PPP3R1: variants seen among roughly 807,000 people sequenced by gnomAD.
PPP3R1 encodes the protein calcineurin subunit B type 1.
Under a neutral mutation model 22.6 loss-of-function variants are expected in PPP3R1, and 5 were observed. That is an observed-to-expected ratio of 0.22 (90% CI 0.12 to 0.46). The LOEUF (loss-of-function observed/expected upper bound fraction) is 0.46. Among genes scored for constraint, PPP3R1 ranks in the 20% least tolerant of loss-of-function variants. PPP3R1 has a pLI of 0.99. For missense variants in PPP3R1, 61 were observed against 203.2 expected (o/e 0.30, Z 4.25); for synonymous variants, 56 against 65.2 (o/e 0.86, Z 0.68).
intron 2 of PPP3R1, among the ~76,000 whole-genome samples, chr2:68,206,437 C>G (rs1489926734): frequency 1.3e-5 from 2 of 152,126 alleles, no homozygotes; most frequent in Non-Finnish European, 2.9e-5. Context: ...AAATCATCCC[C>G]AAGTTTTCTC....
intron 2 of PPP3R1, among the ~76,000 whole-genome samples, chr2:68,212,777 T>C (rs1669512187): frequency 6.6e-6 from 1 of 152,220 alleles, no homozygotes; most frequent in African/African-American, 2.4e-5. Context: ...GGTCCTATGA[T>C]TTACAGAGTG....
At position 68,232,221 on chromosome 2, in the gene PPP3R1, A is replaced by ATGTG. The variant is rs1220116777; in HGVS notation, c.4-15091_4-15090insCACA. ...TATTATATACATATTGTATATGTAT[A>ATGTG]TATGTGTGTGTGTGTGTGTGTGTGT... On this transcript the variant is annotated intron_variant, in intron 1 of 5. Transcript: ENST00000234310. Among the ~76,000 whole-genome samples, 5 of 28,758 alleles carry ATGTG rather than the reference A, an allele frequency of 1.7e-4. No homozygotes were observed. In the East Asian group the frequency reaches 3.0e-3, roughly 17 times the overall value. The allele number at this position is 28,758 out of a possible 152,430, so 18.9% of individuals were successfully genotyped here. A position where few individuals can be genotyped will look rare whatever the true frequency, so the allele number is the denominator to read the frequency against.
chr2:68,186,473 A>G lies in PPP3R1; in HGVS notation c.460T>C (p.Cys154Arg). ...ACCAGCTCTTTTGTACTTACAGCAC[A>G]GAATTCTTCAAAGGATATTCTTCCA... ...GDGRISFEEF[C>R]AVVGGLDIHK... is the part of the protein sequence containing the mutation. Residue 154 changes from cysteine (C) to arginine (R), a missense_variant, in exon 5 of 6, where the codon TGT (cysteine) becomes CGT (arginine). Physicochemically the swap from Cys to Arg is radical, Grantham distance 180. Transcript: ENST00000234310. 1 of 1,611,578 alleles carries G rather than the reference A, an allele frequency of 6.2e-7. No homozygotes were observed. The highest frequency in any genetic ancestry group is 8.5e-7 in the Non-Finnish European group (1 of 1,178,242).
chr2:68,207,221 TA>T (rs11317544), intron 2 of PPP3R1, among the ~76,000 whole-genome samples: 90,138 of 132,556 alleles, frequency 0.68, 28,647 homozygotes, highest in African/African-American at 0.77. Flanking sequence ...GAAAATATGA[TA>T]AAAAAAAAAA....
At chr2:68,239,693 T>C (rs996330949) in intron 1 of PPP3R1, among the ~76,000 whole-genome samples, 1 of 152,118 alleles carries the variant, frequency 6.6e-6, no homozygotes, top group African/African-American at 2.4e-5. Context: ...AACAAGGAAT[T>C]TGTGCATTCA....
chr2:68,241,860 AAAG>A (rs1304460804), intron 1 of PPP3R1, among the ~76,000 whole-genome samples: 2 of 151,972 alleles, frequency 1.3e-5, no homozygotes, highest in Non-Finnish European at 2.9e-5. Context: ...AAAAAAAAAA[AAAG>A]ATTACTACCA....
At chr2:68,229,999 C>CACACACACAA (rs1295310126) in intron 1 of PPP3R1, among the ~76,000 whole-genome samples, 1 of 145,692 alleles carries the variant, frequency 6.9e-6, no homozygotes. Flanking sequence ...CACACACACA[C>CACACACACAA]ACACACACAC....
At chr2:68,181,123 C>T in intron 5 of PPP3R1, 113 bp from the exon 6 acceptor site, 3 of 990,452 alleles carry the variant, frequency 3.0e-6, no homozygotes, top group Non-Finnish European at 4.6e-6. Context: ...GGCGTGGTGG[C>T]TCACACCTGT....
At chr2:68,221,568 T>C (rs555193841) in intron 1 of PPP3R1, among the ~76,000 whole-genome samples, 4 of 152,250 alleles carry the variant, frequency 2.6e-5, no homozygotes, top group African/African-American at 9.6e-5. Context: ...TTCACATCAA[T>C]AAAACGTTTT....
chr2:68,244,571 A>G (rs1235378395), intron 1 of PPP3R1, among the ~76,000 whole-genome samples: 2 of 151,844 alleles, frequency 1.3e-5, no homozygotes, highest in African/African-American at 2.4e-5. Context: ...TTTAATGTCT[A>G]TCCTTTCCTT....
At chr2:68,249,626 T>TTACAA (rs1450659322) in intron 1 of PPP3R1, among the ~76,000 whole-genome samples, 1 of 152,026 alleles carries the variant, frequency 6.6e-6, no homozygotes, top group African/African-American at 2.4e-5. Flanking sequence ...AGCTCACTAT[T>TTACAA]TACAAGATTT....
At chr2:68,251,098 C>T (rs1670339973) in intron 1 of PPP3R1, 1 of 152,216 alleles carries the variant, frequency 6.6e-6, no homozygotes, top group African/African-American at 2.4e-5. Context: ...GCACTCTGAA[C>T]TTTCTCTACT....
At chr2:68,238,533 C>A (rs1670058235) in intron 1 of PPP3R1, among the ~76,000 whole-genome samples, 1 of 152,166 alleles carries the variant, frequency 6.6e-6, no homozygotes, top group Admixed American at 6.5e-5. Flanking sequence ...CAGAGCCCGA[C>A]TGTCATGCAA....
intron 1 of PPP3R1, among the ~76,000 whole-genome samples, chr2:68,236,794 G>T (rs1375455344): frequency 6.6e-6 from 1 of 152,156 alleles, no homozygotes; most frequent in African/African-American, 2.4e-5. Context: ...CCAGAGTAAG[G>T]AATGTGGCCT....
chr2:68,221,156 A>C (rs1345666392), intron 1 of PPP3R1, among the ~76,000 whole-genome samples: 2 of 152,024 alleles, frequency 1.3e-5, no homozygotes, highest in Non-Finnish European at 2.9e-5. Flanking sequence ...ACATGGTGAA[A>C]TCTGTCTCTA....
rs187546083 is a variant in PPP3R1, at chr2:68,180,583, A to C, written c.*380T>G. ...TTTTGTTTCTGAATCAAGTATATTA[A>C]ATTAAAGCCAACCTACTACATATAT... On this transcript the variant is annotated 3_prime_UTR_variant, in exon 6 of 6. Transcript: ENST00000234310. 6.5e-6 allele frequency: 1 copy of C among 153,478 alleles called. No individual in the cohort carries two copies. The highest frequency in any genetic ancestry group is 1.9e-4 in the East Asian group (1 of 5,244). The allele number at this position is 153,478 out of a possible 1,614,324, so 9.5% of individuals were successfully genotyped here. A position where few individuals can be genotyped will look rare whatever the true frequency, so the allele number is the denominator to read the frequency against.
chr2:68,239,714 A>G (rs1483106587), intron 1 of PPP3R1, among the ~76,000 whole-genome samples: 1 of 152,212 alleles, frequency 6.6e-6, no homozygotes, highest in Non-Finnish European at 1.5e-5. Context: ...CTCAAGAAAT[A>G]TTTAATGAAT....
intron 1 of PPP3R1, among the ~76,000 whole-genome samples, chr2:68,234,273 G>A (rs890099827): frequency 2.6e-5 from 4 of 152,048 alleles, no homozygotes; most frequent in Non-Finnish European, 5.9e-5. Flanking sequence ...AACCTGGGAG[G>A]CGGAACTTGC....
At chr2:68,221,025 C>A (rs1384603550) in intron 1 of PPP3R1, among the ~76,000 whole-genome samples, 3 of 151,354 alleles carry the variant, frequency 2.0e-5, no homozygotes, top group African/African-American at 7.3e-5. Flanking sequence ...TGGCAAAACA[C>A]TGTCTCTACA....
Sources: gnomAD v4.1 joint callset for allele counts (sites outside exome capture counted in the v4.1 genomes callset) on GRCh38, gnomAD v4.1.1 for gene constraint, MANE v1.5 for transcripts, NCBI Gene and HGNC (gene_info 2026-07-23, HGNC 2026-07-21) for gene names.